ERI3: variants seen among roughly 807,000 people sequenced by gnomAD.
The protein encoded by ERI3 is ERI1 exoribonuclease family member 3.
ERI3 carries 18 observed loss-of-function variants against 44.4 expected under a neutral mutation model. That is an observed-to-expected ratio of 0.41 (90% CI 0.28 to 0.60). The LOEUF (loss-of-function observed/expected upper bound fraction) is 0.60, where lower values mean the gene tolerates loss of function less well. ERI3 is among the 20% of genes least tolerant of loss of function. ERI3 has a pLI of 0.36. For synonymous variants in ERI3, 183 were observed against 164.8 expected (o/e 1.11, Z -0.84); for missense variants, 294 against 435.5 (o/e 0.68, Z 2.89).
chr1:44,311,394 GCT>G (rs1392368519), intron 5 of ERI3, among the ~76,000 whole-genome samples: 1 of 152,040 alleles, frequency 6.6e-6, no homozygotes. Flanking sequence ...CAAGAAATGA[GCT>G]CTTTATCTCC....
intron 7 of ERI3, among the ~76,000 whole-genome samples, chr1:44,259,892 T>C (rs1303090231): frequency 6.9e-6 from 1 of 144,468 alleles, no homozygotes; most frequent in Admixed American, 6.8e-5. Context: ...GATAGATAGA[T>C]AGATAGATAG....
chr1:44,233,211 C>T (rs1406830413), intron 8 of ERI3, among the ~76,000 whole-genome samples: 1 of 152,150 alleles, frequency 6.6e-6, no homozygotes, highest in Admixed American at 6.5e-5. Flanking sequence ...TCTCCCTTCA[C>T]CCATAGTGAC....
intron 2 of ERI3, among the ~76,000 whole-genome samples, chr1:44,340,664 G>A (rs1557865782): frequency 6.6e-6 from 1 of 152,210 alleles, no homozygotes; most frequent in Non-Finnish European, 1.5e-5. Context: ...ATATACGCTA[G>A]TGTAGGTCCT....
chr1:44,238,528 G>T (rs891009604), intron 8 of ERI3, among the ~76,000 whole-genome samples: 9 of 152,094 alleles, frequency 5.9e-5, no homozygotes, highest in African/African-American at 1.4e-4. Flanking sequence ...GGCCTTTAGG[G>T]AAGAAGCATC....
At chr1:44,298,058 G>A (rs894680996) in intron 6 of ERI3, among the ~76,000 whole-genome samples, 6 of 152,254 alleles carry the variant, frequency 3.9e-5, no homozygotes, top group African/African-American at 1.2e-4. Context: ...ACATGACTAG[G>A]ATTCTTCAAG....
chr1:44,325,113 G>A (rs1646283299), intron 3 of ERI3, among the ~76,000 whole-genome samples: 1 of 129,330 alleles, frequency 7.7e-6, no homozygotes, highest in African/African-American at 3.0e-5. Flanking sequence ...GTCTCACTCT[G>A]TCACTCAGGC....
At chr1:44,272,104 G>T (rs980878027) in intron 7 of ERI3, among the ~76,000 whole-genome samples, 2 of 152,160 alleles carry the variant, frequency 1.3e-5, no homozygotes, top group African/African-American at 4.8e-5. Flanking sequence ...AAGGGCAGGG[G>T]CATAGTGCTA....
chr1:44,251,581 T>C (rs914612416), intron 7 of ERI3, among the ~76,000 whole-genome samples: 3 of 152,036 alleles, frequency 2.0e-5, no homozygotes, highest in African/African-American at 4.8e-5. Flanking sequence ...CCTGGTGAGA[T>C]TGGAGGAGGC....
At chr1:44,354,841 G>C in intron 1 of ERI3, 51 bp downstream of exon 1, 1 of 1,312,778 alleles carries the variant, frequency 7.6e-7, no homozygotes, top group Non-Finnish European at 9.8e-7. Flanking sequence ...CCCTCACCCC[G>C]CATGCATTAA....
At chr1:44,284,802 G>C (rs371899623) in intron 7 of ERI3, 33 bp downstream of exon 7, 1 of 1,574,886 alleles carries the variant, frequency 6.3e-7, no homozygotes, top group Admixed American at 1.7e-5. Flanking sequence ...AGAGCACCAG[G>C]GGAAGCACCC....
At chr1:44,281,325 T>C (rs940094943) in intron 7 of ERI3, among the ~76,000 whole-genome samples, 6 of 152,106 alleles carry the variant, frequency 3.9e-5, no homozygotes, top group African/African-American at 1.4e-4. Context: ...CAGTGGTTAA[T>C]GCCTGCAATC....
At chr1:44,304,494 A>G (rs910902693) in intron 6 of ERI3, among the ~76,000 whole-genome samples, 3 of 152,220 alleles carry the variant, frequency 2.0e-5, no homozygotes, top group Non-Finnish European at 4.4e-5. Context: ...AGACTGAAGT[A>G]GTCAGCTGTT....
intron 6 of ERI3, among the ~76,000 whole-genome samples, chr1:44,296,326 G>C (rs1645610789): frequency 6.6e-6 from 1 of 152,110 alleles, no homozygotes; most frequent in African/African-American, 2.4e-5. Context: ...GATAAATATT[G>C]TATGAGAGGG....
intron 7 of ERI3, among the ~76,000 whole-genome samples, chr1:44,265,637 CACCTGATGGGAGAATTAAAA>C (rs1644976688): frequency 1.3e-5 from 2 of 151,368 alleles, no homozygotes; most frequent in South Asian, 4.2e-4. Flanking sequence ...AAATATTGAT[CACCTGATGGGAGAATTAAAA>C]AAAAAAAAGT....
At position 44,235,453 on chromosome 1, in the gene ERI3, C is replaced by T. The variant is rs1438043898; in HGVS notation, c.931+12486G>A. The stretch of plus-strand genomic sequence containing the variant: ...GCAGCCAATTCTCCGCCTATCGTAA[C>T]TGCCTCTCCTTCACCTCCTGCTAGA... On this transcript the variant is annotated intron_variant, in intron 8 of 8. Transcript: ENST00000372257. The surrounding 1 kb of genome is among the most constrained non-coding windows in gnomAD (Gnocchi z 4.6). Among the ~76,000 whole-genome samples, 1 of 152,190 alleles carries T rather than the reference C, an allele frequency of 6.6e-6. No individual in the cohort carries two copies. The highest frequency in any genetic ancestry group is 2.4e-5 in the African/African-American group (1 of 41,438).
intron 8 of ERI3, among the ~76,000 whole-genome samples, chr1:44,233,006 T>C (rs1644221644): frequency 6.6e-6 from 1 of 152,194 alleles, no homozygotes; most frequent in Non-Finnish European, 1.5e-5. Context: ...AACTCTCTTA[T>C]TCCCTTTTCC....
At position 44,241,437 on chromosome 1, in the gene ERI3, TCACACATGCA is replaced by T. The variant is rs905569104; in HGVS notation, c.931+6492_931+6501del. ...CCCTCACACACACTCAAACACATGC[TCACACATGCA>T]CACACATGCACACACTTCACTGACT... On this transcript the variant is annotated intron_variant, in intron 8 of 8. Coordinates refer to ENST00000372257, the MANE Select transcript of ERI3 (RefSeq NM_024066.3). The surrounding 1 kb of genome is among the most constrained non-coding windows in gnomAD (Gnocchi z 5.6). Among the ~76,000 whole-genome samples, 33 of 151,942 alleles carry T rather than the reference TCACACATGCA, an allele frequency of 2.2e-4. No individual in the cohort carries two copies. Among genetic ancestry groups the T allele is most frequent in the East Asian group, 1.5e-3 (8 of 5,176 alleles).
intron 2 of ERI3, among the ~76,000 whole-genome samples, chr1:44,342,812 A>AACAT (rs1646683210): frequency 3.2e-5 from 1 of 30,900 alleles, no homozygotes; most frequent in Non-Finnish European, 6.1e-5. Flanking sequence ...ACATCCAGCT[A>AACAT]ATATATATAT....
At chr1:44,245,774 C>T (rs961169135) in intron 8 of ERI3, among the ~76,000 whole-genome samples, 9 of 152,186 alleles carry the variant, frequency 5.9e-5, no homozygotes, top group African/African-American at 2.2e-4. Context: ...TTCTCACACA[C>T]ACACCCTGGG....
Sources: allele counts gnomAD v4.1 joint callset (sites outside exome capture counted in the v4.1 genomes callset), GRCh38; gene constraint gnomAD v4.1.1; non-coding constraint Gnocchi (gnomAD v3.1); transcripts MANE v1.5; gene names NCBI Gene and HGNC (gene_info 2026-07-23, HGNC 2026-07-21).